Variants in PRUNE1 observed in about 807,000 individuals in gnomAD.
PRUNE1 encodes exopolyphosphatase PRUNE1.
In PRUNE1, 25 loss-of-function variants were observed where a neutral mutation model predicts 42.5. The ratio of observed to expected loss-of-function variants is 0.59; its 90% CI spans 0.43 to 0.82. PRUNE1 has a LOEUF of 0.82. PRUNE1 is among the 40% of genes least tolerant of loss of function. PRUNE1 has a pLI of 0.00. For synonymous variants in PRUNE1, 203 were observed against 217.1 expected (o/e 0.93, Z 0.57); for missense variants, 443 against 539.3 (o/e 0.82, Z 1.77).
chr1:151,014,190 A>G (rs894595371), intron 1 of PRUNE1, among the ~76,000 whole-genome samples: 1 of 152,316 alleles, frequency 6.6e-6, no homozygotes, highest in Admixed American at 6.5e-5. Flanking sequence ...CAGGTTAGCC[A>G]GGATAGTCTC....
intron 6 of PRUNE1, among the ~76,000 whole-genome samples, chr1:151,027,769 T>C (rs1204693120): frequency 7.8e-5 from 11 of 140,490 alleles, no homozygotes; most frequent in African/African-American, 2.8e-4. Flanking sequence ...TGTGTGTGTG[T>C]GTGTGTGTGT....
intron 3 of PRUNE1, among the ~76,000 whole-genome samples, chr1:151,021,415 A>G (rs1674429327): frequency 6.6e-6 from 1 of 152,110 alleles, no homozygotes; most frequent in East Asian, 1.9e-4. Flanking sequence ...AGATCATGCC[A>G]TCGCACTCCA....
intron 7 of PRUNE1, among the ~76,000 whole-genome samples, chr1:151,031,513 T>C (rs1675247714): frequency 6.6e-6 from 1 of 152,120 alleles, no homozygotes; most frequent in South Asian, 2.1e-4. Context: ...CAGTCTACTC[T>C]ACCATCTCCT....
intron 1 of PRUNE1, 99 bp downstream of exon 1, chr1:151,008,770 G>T (rs1673525208): frequency 2.3e-5 from 31 of 1,356,840 alleles, no homozygotes; most frequent in Non-Finnish European, 3.1e-5. Context: ...CGTGTGGAGG[G>T]AACACTGAGT....
intron 1 of PRUNE1, among the ~76,000 whole-genome samples, chr1:151,010,360 A>T (rs1673700989): frequency 6.6e-6 from 1 of 152,218 alleles, no homozygotes; most frequent in Non-Finnish European, 1.5e-5. Context: ...TTGGAATTAC[A>T]GGTGTTAGCC....
At chr1:151,027,625 A>G (rs1398651850) in intron 6 of PRUNE1, among the ~76,000 whole-genome samples, 1 of 139,912 alleles carries the variant, frequency 7.1e-6, no homozygotes, top group Non-Finnish European at 1.5e-5. Context: ...CTTTGTTGCC[A>G]GGCTAGAGTA....
At chr1:151,008,888 GGCTCCCCGCCTTTGGGGTCC>G in intron 1 of PRUNE1, 1 of 699,736 alleles carries the variant, frequency 1.4e-6, no homozygotes, top group Non-Finnish European at 2.6e-6. Context: ...CCCGGTTTTT[GGCTCCCCGCCTTTGGGGTCC>G]GCCTGAGAGC....
At chr1:151,033,091 T>C (rs1178316705) in intron 7 of PRUNE1, among the ~76,000 whole-genome samples, 1 of 143,970 alleles carries the variant, frequency 6.9e-6, no homozygotes, top group African/African-American at 2.6e-5. Flanking sequence ...TAACTTACTT[T>C]TTTTTTTTTT....
At position 151,033,830 on chromosome 1, in the gene PRUNE1, C is replaced by T. The variant is rs374445386; in HGVS notation, c.958C>T (p.His320Tyr). The change falls in exon 8 of 8, where the codon CAC becomes TAC. Residue 320 changes from histidine to tyrosine, a missense_variant. Physicochemically the swap from His to Tyr is moderately conservative, Grantham distance 83. Transcript: ENST00000271620. ...GATCTGTGAAGTCCTGGAACGCTCC[C>T]ACTCTCCACCCCTGAAGCTGACCCC... ...TTICEVLERS[H>Y]SPPLKLTPAS... is the part of the protein sequence containing the mutation. The T allele has an allele frequency of 1.2e-6, 2 of 1,613,946 alleles. No individual in the cohort carries two copies. The highest frequency in any genetic ancestry group is 1.7e-6 in the Non-Finnish European group (2 of 1,179,894).
At chr1:151,012,895 C>T (rs914661107) in intron 1 of PRUNE1, among the ~76,000 whole-genome samples, 1 of 152,030 alleles carries the variant, frequency 6.6e-6, no homozygotes, top group Non-Finnish European at 1.5e-5. Context: ...GCCTCAGCCT[C>T]TGGAGTAGCT....
At chr1:151,025,801 C>T in intron 5 of PRUNE1, 128 bp downstream of exon 5, 1 of 943,012 alleles carries the variant, frequency 1.1e-6, no homozygotes, top group Non-Finnish European at 1.5e-6. Flanking sequence ...AGTGCAGTGG[C>T]ACAATCTTGG....
intron 7 of PRUNE1, among the ~76,000 whole-genome samples, chr1:151,030,831 A>G (rs1218407271): frequency 1.3e-5 from 2 of 152,118 alleles, no homozygotes; most frequent in African/African-American, 2.4e-5. Flanking sequence ...TTTCTGTTCT[A>G]GGTTTGCCTC....
intron 4 of PRUNE1, among the ~76,000 whole-genome samples, chr1:151,025,157 G>GT (rs946887369): frequency 2.2e-5 from 1 of 46,124 alleles, no homozygotes. Flanking sequence ...TTTTCCACTT[G>GT]TAAAAAAAAA....
chr1:151,017,646 C>T (rs587719536), intron 1 of PRUNE1, among the ~76,000 whole-genome samples, 166 bp from the exon 2 acceptor site: 1 of 151,974 alleles, frequency 6.6e-6, no homozygotes, highest in South Asian at 2.1e-4. Context: ...TCGACTGAAC[C>T]TAGTAGGAGG....
rs1437112665 is a variant in PRUNE1 at position 151,035,579 on chromosome 1, C to G, written c.*1345C>G. ...GTATGAGGGGGACAGTTTGACTTCA[C>G]TTTGAGGGTGTGATGTCTGTAGCTA... is the stretch of plus-strand genomic sequence containing the variant. On this transcript the variant is annotated 3_prime_UTR_variant, in exon 8 of 8. Transcript: ENST00000271620. The G allele has an allele frequency of 6.6e-6, 1 of 152,574 alleles. No individual in the cohort carries two copies. The highest frequency in any genetic ancestry group is 1.5e-5 in the Non-Finnish European group (1 of 68,050). 9.5% of individuals were successfully genotyped at this position (152,574 alleles called of 1,614,324 possible). A position where few individuals can be genotyped will look rare whatever the true frequency, so the allele number is the denominator to read the frequency against.
intron 7 of PRUNE1, among the ~76,000 whole-genome samples, chr1:151,031,166 G>C (rs587667135): frequency 5.2e-4 from 76 of 146,218 alleles, no homozygotes; most frequent in African/African-American, 1.7e-3. Flanking sequence ...TTCTCTCTCT[G>C]TTTTGTTTTT....
chr1:151,024,469 T>C (rs1476555600), intron 3 of PRUNE1, 142 bp from the exon 4 acceptor site: 1 of 777,474 alleles, frequency 1.3e-6, no homozygotes. Flanking sequence ...CACTCTAGCC[T>C]GGGCGACAAG....
rs376176363 is a variant in PRUNE1, at chr1:151,008,650, G to A, written c.18G>A (p.Gln6=). 6.2e-7 allele frequency: 1 copy of A among 1,614,186 alleles called. No individual in the cohort carries two copies. Among genetic ancestry groups the A allele is most frequent in the East Asian group, 2.2e-5 (1 of 44,882 alleles). MEDYL[Q]GCRAALQESR... is the part of the protein sequence containing the mutation. The stretch of plus-strand genomic sequence containing the variant: ...GCTTCATCATGGAGGACTACCTGCA[G>A]GGTTGTCGAGCTGCTCTGCAGGTAA... The change falls in exon 1 of 8, where the codon CAG becomes CAA. Residue 6 remains glutamine, a synonymous_variant. Coordinates refer to ENST00000271620, the MANE Select transcript of PRUNE1 (RefSeq NM_021222.3).
At chr1:151,017,749 A>C in intron 1 of PRUNE1, 63 bp from the exon 2 acceptor site, 1 of 1,120,832 alleles carries the variant, frequency 8.9e-7, no homozygotes, top group Non-Finnish European at 1.3e-6. Flanking sequence ...TATTTAAAAA[A>C]AAAAGATAAG....
Sources: gnomAD v4.1 joint callset for allele counts (sites outside exome capture counted in the v4.1 genomes callset) on GRCh38, gnomAD v4.1.1 for gene constraint, MANE v1.5 for transcripts, NCBI Gene and HGNC (gene_info 2026-07-23, HGNC 2026-07-21) for gene names.